The following FARS2 variants were observed in gnomAD, a reference collection of about 807,000 sequenced individuals.
FARS2 encodes phenylalanine--tRNA ligase, mitochondrial.
A neutral mutation model predicts 46.4 loss-of-function variants in FARS2; 40 were observed. That is an observed-to-expected ratio of 0.86 (90% CI 0.67 to 1.12). FARS2 has a LOEUF of 1.12. Among genes scored for constraint, FARS2 ranks in the 50% most tolerant of loss-of-function variants. FARS2 has a pLI of 0.00. For missense variants in FARS2, 513 were observed against 567.9 expected, an observed-to-expected ratio of 0.90 and a Z score of 0.98; for synonymous variants, 234 against 214.9, an observed-to-expected ratio of 1.09 and a Z score of -0.78.
At chr6:5,622,895 A>G (rs1294164059) in intron 6 of FARS2, among the ~76,000 whole-genome samples, 2 of 152,202 alleles carry the variant, frequency 1.3e-5, no homozygotes, top group Admixed American at 1.3e-4. Context: ...TTACTACATA[A>G]TGCTTGCTGG....
intron 5 of FARS2, among the ~76,000 whole-genome samples, chr6:5,604,381 C>T (rs1561745824): frequency 6.6e-6 from 1 of 152,138 alleles, no homozygotes; most frequent in Non-Finnish European, 1.5e-5. Context: ...CAGTTTCCCC[C>T]CCAGAAAGCA....
At chr6:5,642,652 G>T (rs1776880895) in intron 6 of FARS2, among the ~76,000 whole-genome samples, 1 of 152,120 alleles carries the variant, frequency 6.6e-6, no homozygotes, top group African/African-American at 2.4e-5. Context: ...TTCCTCCTGT[G>T]CTTTTCACCT....
chr6:5,769,096 A>G (rs1228742045), intron 6 of FARS2, among the ~76,000 whole-genome samples: 1 of 152,136 alleles, frequency 6.6e-6, no homozygotes, highest in African/African-American at 2.4e-5. Context: ...TCTAAGAGTG[A>G]TAATAGTTTC....
At chr6:5,487,288 G>A (rs1414013822) in intron 4 of FARS2, among the ~76,000 whole-genome samples, 3 of 152,126 alleles carry the variant, frequency 2.0e-5, no homozygotes, top group Non-Finnish European at 2.9e-5. Flanking sequence ...TTGTGGAGGC[G>A]AGCTAAACTC....
chr6:5,364,020 G>A (rs1758489739), intron 1 of FARS2, among the ~76,000 whole-genome samples: 1 of 151,992 alleles, frequency 6.6e-6, no homozygotes, highest in Admixed American at 6.6e-5. Flanking sequence ...AACTTCCATT[G>A]TCCAAATCTG....
chr6:5,375,388 T>G (rs1226296346), intron 2 of FARS2, among the ~76,000 whole-genome samples: 1 of 152,040 alleles, frequency 6.6e-6, no homozygotes, highest in Non-Finnish European at 1.5e-5. Context: ...ATAAAATTAT[T>G]AAATATTATT....
chr6:5,564,330 C>T (rs1011458844), intron 5 of FARS2, among the ~76,000 whole-genome samples: 3 of 152,176 alleles, frequency 2.0e-5, no homozygotes, highest in Non-Finnish European at 2.9e-5. Context: ...GGGTTATGGG[C>T]ACCTTACTCA....
chr6:5,411,571 C>A (rs1481048507), intron 3 of FARS2, among the ~76,000 whole-genome samples: 2 of 152,170 alleles, frequency 1.3e-5, no homozygotes, highest in Admixed American at 1.3e-4. Context: ...ATGGTCCAGG[C>A]TTTTCACCTT....
chr6:5,428,446 G>T (rs1001296193), intron 3 of FARS2, among the ~76,000 whole-genome samples: 1 of 152,084 alleles, frequency 6.6e-6, no homozygotes, highest in Non-Finnish European at 1.5e-5. Context: ...TTAACCCTGA[G>T]TCCTGTTCCT....
chr6:5,512,446 C>T (rs1003236457), intron 4 of FARS2, among the ~76,000 whole-genome samples: 2 of 152,088 alleles, frequency 1.3e-5, no homozygotes, highest in African/African-American at 4.8e-5. Context: ...TCAAGACTTG[C>T]ATTGTTCATG....
chr6:5,733,888 T>C (rs150278271), intron 6 of FARS2, among the ~76,000 whole-genome samples: 15 of 152,328 alleles, frequency 9.8e-5, no homozygotes, highest in African/African-American at 2.2e-4. Flanking sequence ...TTTTCTTACA[T>C]GTATGGAGTA....
intron 4 of FARS2, among the ~76,000 whole-genome samples, chr6:5,533,213 A>T (rs1390956336): frequency 6.6e-6 from 1 of 152,154 alleles, no homozygotes; most frequent in South Asian, 2.1e-4. Flanking sequence ...CAATGAATAG[A>T]ATATTCACTT....
At chr6:5,669,379 A>ACCC (rs536744576) in intron 6 of FARS2, among the ~76,000 whole-genome samples, 28 of 92,560 alleles carry the variant, frequency 3.0e-4, no homozygotes, top group Middle Eastern at 6.3e-3. Context: ...ACCTCCCCCC[A>ACCC]CCCCCCCGCT....
At chr6:5,273,981 ATTAG>A (rs1443190213) in intron 1 of FARS2, among the ~76,000 whole-genome samples, 1 of 152,106 alleles carries the variant, frequency 6.6e-6, no homozygotes, top group Non-Finnish European at 1.5e-5. Context: ...CTATTTTATT[ATTAG>A]TTATTGTTGT....
chr6:5,733,729 C>T (rs1760785001), intron 6 of FARS2, among the ~76,000 whole-genome samples: 1 of 152,150 alleles, frequency 6.6e-6, no homozygotes, highest in Admixed American at 6.5e-5. Flanking sequence ...GTCATGAAAT[C>T]AGATCAGAGA....
chr6:5,690,385 C>T (rs1276514399), intron 6 of FARS2, among the ~76,000 whole-genome samples: 3 of 151,492 alleles, frequency 2.0e-5, no homozygotes, highest in Non-Finnish European at 4.4e-5. Flanking sequence ...TCTTTTAGGG[C>T]AGGCCTGGTG....
intron 6 of FARS2, chr6:5,695,086 T>G (rs1758017263): frequency 1.3e-5 from 2 of 152,268 alleles, no homozygotes; most frequent in South Asian, 4.1e-4. Flanking sequence ...TCTGGTTTTT[T>G]CTTGAGCAAT....
chr6:5,673,024 C>G (rs1778559677), intron 6 of FARS2, among the ~76,000 whole-genome samples: 1 of 152,162 alleles, frequency 6.6e-6, no homozygotes, highest in Non-Finnish European at 1.5e-5. Flanking sequence ...GGGAATTTAT[C>G]TCCTCTGCCT....
intron 6 of FARS2, among the ~76,000 whole-genome samples, chr6:5,709,701 CATGCACGT>C (rs1759002414): frequency 3.2e-5 from 1 of 31,612 alleles, no homozygotes. Flanking sequence ...TGTGTGTGCG[CATGCACGT>C]GCATGTTGGG....
Sources: gnomAD v4.1 joint callset for allele counts (sites outside exome capture counted in the v4.1 genomes callset) on GRCh38, gnomAD v4.1.1 for gene constraint, MANE v1.5 for transcripts, NCBI Gene and HGNC (gene_info 2026-07-23, HGNC 2026-07-21) for gene names.